WTIP: variants seen among roughly 807,000 people sequenced by gnomAD.
WTIP encodes WT1 interacting protein, also known as Wilms tumor protein 1-interacting protein.
A neutral mutation model predicts 41.7 loss-of-function variants in WTIP; 23 were observed. That is an observed-to-expected ratio of 0.55 (90% CI 0.40 to 0.78). The LOEUF is 0.78. Ranked by LOEUF, WTIP falls within the 30% of genes least tolerant of loss-of-function variation. The pLI, the probability that WTIP is intolerant of heterozygous loss-of-function variation, is 0.00. For synonymous variants in WTIP, 314 were observed against 269.9 expected, an observed-to-expected ratio of 1.16 and a Z score of -1.60; for missense variants, 619 against 610.5, an observed-to-expected ratio of 1.01 and a Z score of -0.15.
At chr19:34,497,158 A>T (rs763372507) in intron 7 of WTIP, among the ~76,000 whole-genome samples, 13 of 152,162 alleles carry the variant, frequency 8.5e-5, no homozygotes, top group Non-Finnish European at 1.8e-4. Context: ...CCACCACACC[A>T]GGCCTTCTTT....
rs1193592026 is a variant in WTIP, at chr19:34,482,339, G to C, written c.365G>C (p.Arg122Pro). Reference sequence around the variant, plus strand: ...TACGACCAGCGCCACGGCAGCCCGCGCTCCGGTCGCTCGGACCCGCGTCCC... The same window carrying C: ...TACGACCAGCGCCACGGCAGCCCGCCCTCCGGTCGCTCGGACCCGCGTCCC... Reference protein sequence around the residue: ...LGYDQRHGSPRSGRSDPRPGP... With the variant: ...LGYDQRHGSPPSGRSDPRPGP... The change falls in exon 1 of 8, where the codon CGC becomes CCC. Residue 122 changes from arginine to proline, a missense_variant. This residue lies in a region of WTIP where 363 missense variants were observed against 309.0 expected (regional missense o/e 1.17). Transcript: ENST00000590071. The C allele has an allele frequency of 7.2e-7, 1 of 1,384,758 alleles. No homozygotes were observed. The highest frequency in any genetic ancestry group is 9.4e-7 in the Non-Finnish European group (1 of 1,063,576). The allele number at this position is 1,384,758 out of a possible 1,614,324, so 85.8% of individuals were successfully genotyped here.
rs1023075603 is a variant in WTIP at position 34,504,427 on chromosome 19, G to C, written c.*4158G>C. ...TTTGTGTGTGTGTGTGTGTGTCTGT[G>C]TGTGTGTTGGCGTCGCCCTGATGGC... is the stretch of plus-strand genomic sequence containing the variant. On this transcript the variant is annotated 3_prime_UTR_variant, in exon 8 of 8. Transcript: ENST00000590071. 7 of 151,480 alleles carry C rather than the reference G, an allele frequency of 4.6e-5. No homozygotes were observed. The South Asian group carries it at 1.5e-3, about 31-fold the overall frequency. 9.4% of individuals were successfully genotyped at this position (151,480 alleles called of 1,614,324 possible).
At chr19:34,484,990 G>C (rs2075790343) in intron 1 of WTIP, among the ~76,000 whole-genome samples, 1 of 150,242 alleles carries the variant, frequency 6.7e-6, no homozygotes, top group Non-Finnish European at 1.5e-5. Context: ...CGCCCTGAGA[G>C]TGTTAGAGGA....
chr19:34,482,046 G>A lies in WTIP; in HGVS notation c.72G>A (p.Glu24=), dbSNP rs2075769520. ...LLAGLALREL[E]PGCGSPGRGR... ...CCGGGCTGGCCCTGCGGGAGCTGGA[G>A]CCCGGGTGCGGCTCTCCCGGTCGGG... Residue 24 remains glutamate (E), a synonymous_variant, in exon 1 of 8, where the codon GAG becomes GAA. Transcript: ENST00000590071. The A allele has an allele frequency of 2.9e-6, 3 of 1,032,362 alleles. No homozygotes were observed. The highest frequency in any genetic ancestry group is 3.5e-6 in the Non-Finnish European group (3 of 861,628). The allele number at this position is 1,032,362 out of a possible 1,614,324, so 64.0% of individuals were successfully genotyped here. A position where few individuals can be genotyped will look rare whatever the true frequency, so the allele number is the denominator to read the frequency against.
rs2075888520 is a variant in WTIP at position 34,501,811 on chromosome 19, G to GC, written c.*1543dup. ...GCCAGGGACTTACACAGCGTGGAGAGCGCTGCATCTTAGAGTGGGGCCTTC... is the reference window on the plus strand; with the variant it reads ...GCCAGGGACTTACACAGCGTGGAGAGCCGCTGCATCTTAGAGTGGGGCCTTC... On this transcript the variant is annotated 3_prime_UTR_variant, in exon 8 of 8. Transcript: ENST00000590071. 1 of 152,528 alleles carries GC rather than the reference G, an allele frequency of 6.6e-6. No homozygotes were observed. The highest frequency in any genetic ancestry group is 2.1e-4 in the South Asian group (1 of 4,840). 9.4% of individuals were successfully genotyped at this position (152,528 alleles called of 1,614,324 possible).
In WTIP at chr19:34,482,649, C is replaced by T; in HGVS notation, c.667+8C>T. 1 of 1,227,460 alleles carries T rather than the reference C, an allele frequency of 8.1e-7. No individual in the cohort carries two copies. The highest frequency in any genetic ancestry group is 1.0e-6 in the Non-Finnish European group (1 of 985,248). 76.0% of individuals were successfully genotyped at this position (1,227,460 alleles called of 1,614,324 possible). Reference sequence around the variant, plus strand: ...CGGCGCGGGACTACTTCGGTGAGCTCGCTCGGCCCGGCAGTTCCCTGCGCG... The same window carrying T: ...CGGCGCGGGACTACTTCGGTGAGCTTGCTCGGCCCGGCAGTTCCCTGCGCG... On this transcript the variant is annotated splice_region_variant and intron_variant, in intron 1 of 7. Transcript: ENST00000590071.
chr19:34,507,679 G>A lies in WTIP; in HGVS notation c.*7410G>A, dbSNP rs1295802261. On this transcript the variant is annotated 3_prime_UTR_variant, in exon 8 of 8. Transcript: ENST00000590071. ...TGTCAGTGGATGGGCTTTTGCATAG[G>A]GGGATGGGGTAGGGAGTGAGTCATT... The A allele has an allele frequency of 6.6e-6, 1 of 152,270 alleles. No individual in the cohort carries two copies. The highest frequency in any genetic ancestry group is 1.5e-5 in the Non-Finnish European group (1 of 68,074). 9.4% of individuals were successfully genotyped at this position (152,270 alleles called of 1,614,324 possible).
Position 34,501,943 on chromosome 19 carries a change from CT to C in WTIP, c.*1679del. On this transcript the variant is annotated 3_prime_UTR_variant, in exon 8 of 8. Transcript: ENST00000590071. The stretch of plus-strand genomic sequence containing the variant: ...TGGCTCTCTCCTGCTAGCTGAGCTG[CT>C]TTTTCTTTTCTTTTCTTTTTTTTTT... 1 of 146,246 alleles carries C rather than the reference CT, an allele frequency of 6.8e-6. No homozygotes were observed. The highest frequency in any genetic ancestry group is 1.5e-5 in the Non-Finnish European group (1 of 68,366). The allele number at this position is 146,246 out of a possible 1,614,324, so 9.1% of individuals were successfully genotyped here. A position where few individuals can be genotyped will look rare whatever the true frequency, so the allele number is the denominator to read the frequency against.
At chr19:34,483,065 C>T (rs1285249899) in intron 1 of WTIP, among the ~76,000 whole-genome samples, 22 of 144,006 alleles carry the variant, frequency 1.5e-4, no homozygotes, top group Non-Finnish European at 2.7e-4. Flanking sequence ...AGTGCAGCGG[C>T]GCGTCCTCGG....
At position 34,493,563 on chromosome 19, in the gene WTIP, C is replaced by T. The variant is rs377706409; in HGVS notation, c.972C>T (p.Asp324=). ...GCTCCGTGTGCAATGAGTGCCTGGA[C>T]GGGGTTCCCTTCACCGTGGACGTGG... ...FRCSVCNECL[D]GVPFTVDVEN... is the part of the protein sequence containing the mutation. Residue 324 remains aspartate, a synonymous_variant, in exon 5 of 8, where the codon GAC becomes GAT. Coordinates refer to ENST00000590071, the MANE Select transcript of WTIP (RefSeq NM_001080436.2). The surrounding 1 kb of genome is among the most constrained non-coding windows in gnomAD (Gnocchi z 4.1). 27 of 1,613,572 alleles carry T rather than the reference C, an allele frequency of 1.7e-5. No individual in the cohort carries two copies. The highest frequency in any genetic ancestry group is 2.2e-5 in the East Asian group (1 of 44,880).
chr19:34,507,755 G>C lies in WTIP; in HGVS notation c.*7486G>C, dbSNP rs2075918598. The stretch of plus-strand genomic sequence containing the variant: ...TGCTATTTTTCATGGTGGTGGTGAT[G>C]GGAGAAGCTGTTGGGTTATTTCACA... On this transcript the variant is annotated 3_prime_UTR_variant, in exon 8 of 8. Transcript: ENST00000590071. The C allele has an allele frequency of 6.6e-6, 1 of 152,340 alleles. No homozygotes were observed. The highest frequency in any genetic ancestry group is 2.4e-5 in the African/African-American group (1 of 41,452). The allele number at this position is 152,340 out of a possible 1,614,324, so 9.4% of individuals were successfully genotyped here.
intron 1 of WTIP, among the ~76,000 whole-genome samples, chr19:34,483,498 T>C (rs558170346): frequency 3.7e-4 from 57 of 152,226 alleles, no homozygotes; most frequent in African/African-American, 1.3e-3. Context: ...GCTTTGGTGA[T>C]GGTAGCGGCT....
chr19:34,490,684 G>A (rs1055486794), intron 2 of WTIP, among the ~76,000 whole-genome samples: 6 of 152,304 alleles, frequency 3.9e-5, no homozygotes, highest in South Asian at 4.1e-4. Context: ...CCCCCTGGTC[G>A]TCAGCTGTGG....
chr19:34,490,579 C>T, intron 2 of WTIP, 102 bp downstream of exon 2: 2 of 1,237,450 alleles, frequency 1.6e-6, no homozygotes, highest in Non-Finnish European at 2.3e-6. Flanking sequence ...AGATGGACCA[C>T]CTGGCTCTGG....
chr19:34,484,003 T>C (rs1306097906), intron 1 of WTIP, among the ~76,000 whole-genome samples: 1 of 141,640 alleles, frequency 7.1e-6, no homozygotes, highest in Non-Finnish European at 1.5e-5. Context: ...CTTGGCTCAC[T>C]GCAACCTCCG....
chr19:34,488,546 TG>T (rs2075809314), intron 1 of WTIP, among the ~76,000 whole-genome samples: 1 of 151,942 alleles, frequency 6.6e-6, no homozygotes, highest in African/African-American at 2.4e-5. Flanking sequence ...TAAAAATTTT[TG>T]TAGAGATGAG....
Position 34,508,584 on chromosome 19 carries a change from A to T in WTIP, c.*8315A>T, listed in dbSNP as rs2075921857. The T allele has an allele frequency of 6.6e-6, 1 of 152,430 alleles. No individual in the cohort carries two copies. Among genetic ancestry groups the T allele is most frequent in the Non-Finnish European group, 1.5e-5 (1 of 68,190 alleles). 9.4% of individuals were successfully genotyped at this position (152,430 alleles called of 1,614,324 possible). A position where few individuals can be genotyped will look rare whatever the true frequency, so the allele number is the denominator to read the frequency against. ...TTGTGTGGCCAGGACCCTGGAGATG[A>T]GGCCAGGATGGCCGACTCCAACCCC... is the stretch of plus-strand genomic sequence containing the variant. On this transcript the variant is annotated 3_prime_UTR_variant, in exon 8 of 8. Transcript: ENST00000590071.
rs1042942212 is a variant in WTIP at position 34,500,651 on chromosome 19, C to A, written c.*382C>A. The A allele has an allele frequency of 1.3e-5, 2 of 158,476 alleles. No individual in the cohort carries two copies. Among genetic ancestry groups the A allele is most frequent in the African/African-American group, 3.7e-5 (1 of 27,142 alleles). 9.8% of individuals were successfully genotyped at this position (158,476 alleles called of 1,614,324 possible). ...TGTTCAGGGGCCTGGCCCCCGCCCTCCCCCCCGACCCCGACCTCGCAAAGC... is the reference window on the plus strand; with the variant it reads ...TGTTCAGGGGCCTGGCCCCCGCCCTACCCCCCGACCCCGACCTCGCAAAGC... On this transcript the variant is annotated 3_prime_UTR_variant, in exon 8 of 8. Coordinates refer to ENST00000590071, the MANE Select transcript of WTIP (RefSeq NM_001080436.2).
chr19:34,499,308 T>C (rs1015808360), intron 7 of WTIP, among the ~76,000 whole-genome samples: 5 of 151,934 alleles, frequency 3.3e-5, no homozygotes, highest in Non-Finnish European at 5.9e-5. Flanking sequence ...TCAGGAGTTC[T>C]AGACCAGCCT....
Sources: gnomAD v4.1 joint callset for allele counts (sites outside exome capture counted in the v4.1 genomes callset) on GRCh38, gnomAD v4.1.1 for gene constraint, gnomAD v4.1.1 regional missense constraint, Gnocchi (gnomAD v3.1) non-coding constraint, MANE v1.5 for transcripts, NCBI Gene and HGNC (gene_info 2026-07-23, HGNC 2026-07-21) for gene names.